The following THSD7A variants were observed in gnomAD, a reference collection of about 807,000 sequenced individuals.
The protein encoded by THSD7A is thrombospondin type-1 domain-containing protein 7A.
Under a neutral mutation model 231.3 loss-of-function variants are expected in THSD7A, and 96 were observed. That is an observed-to-expected ratio of 0.41 (90% CI 0.35 to 0.49). The LOEUF (loss-of-function observed/expected upper bound fraction) is 0.49, where lower values mean the gene tolerates loss of function less well. THSD7A is among the 20% of genes least tolerant of loss of function. The pLI is 0.05. For missense variants in THSD7A, 2,290 were observed against 2,070.2 expected (o/e 1.11, Z -2.06); for synonymous variants, 940 against 743.3 (o/e 1.26, Z -4.30).
chr7:11,487,931 A>T (rs1032597716), intron 6 of THSD7A, among the ~76,000 whole-genome samples: 1 of 151,656 alleles, frequency 6.6e-6, no homozygotes, highest in African/African-American at 2.4e-5. Flanking sequence ...AGTTATCCTG[A>T]TTTTTTTTTA....
intron 11 of THSD7A, among the ~76,000 whole-genome samples, chr7:11,456,146 A>T (rs1161815972): frequency 6.6e-6 from 1 of 152,054 alleles, no homozygotes; most frequent in Non-Finnish European, 1.5e-5. Flanking sequence ...GGCACATATT[A>T]TATGAGACAC....
chr7:11,576,938 AGCAAAT>A (rs1257103444), intron 4 of THSD7A, among the ~76,000 whole-genome samples: 2 of 152,216 alleles, frequency 1.3e-5, no homozygotes, highest in African/African-American at 4.8e-5. Context: ...TTTATTCTGA[AGCAAAT>A]GCATAGGGGA....
At chr7:11,415,985 G>C (rs1480522210) in intron 17 of THSD7A, among the ~76,000 whole-genome samples, 4 of 152,062 alleles carry the variant, frequency 2.6e-5, no homozygotes, top group Non-Finnish European at 5.9e-5. Context: ...AACCTGTTCT[G>C]GTTTGCGAGG....
chr7:11,433,380 C>T (rs1429298811), intron 13 of THSD7A, among the ~76,000 whole-genome samples: 1 of 151,896 alleles, frequency 6.6e-6, no homozygotes, highest in Non-Finnish European at 1.5e-5. Flanking sequence ...CCAGTAATCA[C>T]TTATTTTCTT....
chr7:11,595,187 T>C (rs1032461289), intron 2 of THSD7A, among the ~76,000 whole-genome samples: 1 of 152,138 alleles, frequency 6.6e-6, no homozygotes, highest in Non-Finnish European at 1.5e-5. Context: ...AACACCCCTG[T>C]TTGCTTCTAG....
chr7:11,765,810 A>G (rs1432336258), intron 1 of THSD7A, among the ~76,000 whole-genome samples: 2 of 152,134 alleles, frequency 1.3e-5, no homozygotes, highest in Non-Finnish European at 2.9e-5. Context: ...TACCCTGAAC[A>G]TGTACAGCAC....
intron 4 of THSD7A, among the ~76,000 whole-genome samples, chr7:11,586,164 T>C (rs758297548): frequency 2.0e-5 from 3 of 152,306 alleles, no homozygotes; most frequent in East Asian, 3.9e-4. Flanking sequence ...TATATTATTC[T>C]CAAAAAGTGT....
intron 1 of THSD7A, among the ~76,000 whole-genome samples, chr7:11,710,245 G>A (rs1279264995): frequency 1.4e-5 from 2 of 145,710 alleles, no homozygotes; most frequent in African/African-American, 5.1e-5. Flanking sequence ...AGTGCATCAA[G>A]GATAAATTAA....
At chr7:11,512,884 A>C (rs1264294385) in intron 6 of THSD7A, among the ~76,000 whole-genome samples, 1 of 149,182 alleles carries the variant, frequency 6.7e-6, no homozygotes, top group East Asian at 2.0e-4. Flanking sequence ...ATACGTAACG[A>C]ATCTGCACAT....
chr7:11,585,529 C>A (rs991500857), intron 4 of THSD7A, among the ~76,000 whole-genome samples: 4 of 152,284 alleles, frequency 2.6e-5, no homozygotes, highest in African/African-American at 9.6e-5. Flanking sequence ...CCACCGCATA[C>A]GTCTGGTCAC....
At position 11,542,974 on chromosome 7, in the gene THSD7A, G is replaced by T. The variant is rs1263617005; in HGVS notation, c.1597C>A (p.Gln533Lys). ...TCACGTTACCTACCTTTTTTCCCTT[G>T]CTGATCATTACAGTTTTCATAAGTA... ...PCTYENCNDQ[Q>K]GKKGFKLRKR... The change falls in exon 5 of 28, where the codon CAA becomes AAA. Residue 533 changes from glutamine (Q) to lysine (K), a missense_variant. Transcript: ENST00000423059. The T allele has an allele frequency of 1.9e-6, 3 of 1,611,156 alleles. No homozygotes were observed. The highest frequency in any genetic ancestry group is 1.7e-5 in the Admixed American group (1 of 59,418).
intron 6 of THSD7A, among the ~76,000 whole-genome samples, chr7:11,519,452 C>A (rs1014363554): frequency 1.3e-5 from 2 of 152,180 alleles, no homozygotes; most frequent in African/African-American, 4.8e-5. Context: ...GATTCCTAAG[C>A]CATTGGTCAG....
rs1424423921 is a variant in THSD7A, at chr7:11,593,464, G to T, written c.1061C>A (p.Ser354Tyr). The T allele has an allele frequency of 6.2e-7, 1 of 1,613,980 alleles. No homozygotes were observed. The highest frequency in any genetic ancestry group is 1.3e-5 in the African/African-American group (1 of 75,052). Reference protein sequence around the residue: ...QQEKLPMTFQSCVITKECQVS... With the variant: ...QQEKLPMTFQYCVITKECQVS... ...CTGGCACTCTTTGGTGATCACACAG[G>T]ACTGGAAGGTCATTGGAAGCTTCTC... Residue 354 changes from serine to tyrosine, a missense_variant, in exon 3 of 28, where the codon TCC (serine) becomes TAC (tyrosine). Ser to Tyr is a moderately radical substitution (Grantham distance 144). Transcript: ENST00000423059.
intron 17 of THSD7A, chr7:11,413,852 C>T (rs1401373763): frequency 6.6e-6 from 1 of 152,244 alleles, no homozygotes; most frequent in Non-Finnish European, 1.5e-5. Context: ...CCTGTGCGCC[C>T]CTCAGAAGAA....
chr7:11,627,226 T>C (rs971716482), intron 2 of THSD7A, among the ~76,000 whole-genome samples: 1 of 152,118 alleles, frequency 6.6e-6, no homozygotes, highest in African/African-American at 2.4e-5. Flanking sequence ...TCTGCACATG[T>C]AACCCAGAAC....
At chr7:11,543,148 A>T in intron 4 of THSD7A, 31 bp from the exon 5 acceptor site, 8 of 1,591,104 alleles carry the variant, frequency 5.0e-6, no homozygotes, top group Non-Finnish European at 6.9e-6. Context: ...ATATTAAAAA[A>T]TGAACAAAAG....
intron 1 of THSD7A, among the ~76,000 whole-genome samples, chr7:11,666,231 C>T (rs1441864156): frequency 6.6e-6 from 1 of 151,788 alleles, no homozygotes; most frequent in Non-Finnish European, 1.5e-5. Context: ...GGCAAATTTG[C>T]ATATGTATAG....
chr7:11,378,688 C>T (rs17164525), intron 26 of THSD7A: 4,768 of 211,056 alleles, frequency 0.023, 223 homozygotes, highest in African/African-American at 0.098. Flanking sequence ...TTCCTATGAT[C>T]AAATGAAAAA....
At chr7:11,490,695 C>T (rs1335727420) in intron 6 of THSD7A, among the ~76,000 whole-genome samples, 1 of 151,994 alleles carries the variant, frequency 6.6e-6, no homozygotes, top group Non-Finnish European at 1.5e-5. Context: ...TTTCATTCCT[C>T]TCAGTTGTTT....
Sources: allele counts gnomAD v4.1 joint callset (sites outside exome capture counted in the v4.1 genomes callset), GRCh38; gene constraint gnomAD v4.1.1; transcripts MANE v1.5; gene names NCBI Gene and HGNC (gene_info 2026-07-23, HGNC 2026-07-21).